Variants in ANXA13 observed in about 807,000 individuals in gnomAD.
The protein encoded by ANXA13 is annexin XIII.
Under a neutral mutation model 46.6 loss-of-function variants are expected in ANXA13, and 36 were observed. The observed-to-expected ratio is 0.77, with a 90% confidence interval of 0.59 to 1.02. ANXA13 has a LOEUF of 1.02. ANXA13 is among the 50% of genes least tolerant of loss of function. ANXA13 has a pLI of 0.00. For missense variants in ANXA13, 417 were observed against 396.5 expected (o/e 1.05, Z -0.44); for synonymous variants, 163 against 152.9 (o/e 1.07, Z -0.49).
chr8:123,681,017 C>T lies in ANXA13; in HGVS notation c.*223G>A, dbSNP rs1305457195. 2 of 518,174 alleles carry T rather than the reference C, an allele frequency of 3.9e-6. No homozygotes were observed. Among genetic ancestry groups the T allele is most frequent in the Admixed American group, 5.9e-5 (2 of 34,168 alleles). 32.1% of individuals were successfully genotyped at this position (518,174 alleles called of 1,614,324 possible). On this transcript the variant is annotated 3_prime_UTR_variant, in exon 11 of 11. Coordinates refer to ENST00000419625, the MANE Select transcript of ANXA13 (RefSeq NM_004306.4). ...ATGCTAAAAGAAAGTGAAGAGGCAG[C>T]CTAGATGCTTGCTAAGCCAGAGTTC... is the stretch of plus-strand genomic sequence containing the variant.
In ANXA13 at chr8:123,692,246, A is replaced by G. The variant is rs1215049729; in HGVS notation, c.642+951T>C. 2.6e-5 allele frequency among the ~76,000 whole-genome samples: 4 copies of G among 152,128 alleles called. No individual in the cohort carries two copies. The East Asian group carries it at 5.8e-4, about 22-fold the overall frequency. ...GCTACCAACTTGCTGTGTGGTCCTGATAAGTTACAGATGGTTCCTCACTCA... is the reference window on the plus strand; with the variant it reads ...GCTACCAACTTGCTGTGTGGTCCTGGTAAGTTACAGATGGTTCCTCACTCA... On this transcript the variant is annotated intron_variant, in intron 8 of 10. Coordinates refer to ENST00000419625, the MANE Select transcript of ANXA13 (RefSeq NM_004306.4).
intron 1 of ANXA13, among the ~76,000 whole-genome samples, chr8:123,713,928 A>C (rs1252507910): frequency 6.6e-6 from 1 of 152,150 alleles, no homozygotes. Flanking sequence ...TCCTGAGCTC[A>C]GGCAATCTGC....
chr8:123,724,918 C>T lies in ANXA13; in HGVS notation c.16-12165G>A, dbSNP rs535003693. ...TACATTTGGCCTATGGCTTCTTTCA[C>T]GCTACAATGGCAGAGTAGTTACCTA... is the stretch of plus-strand genomic sequence containing the variant. On this transcript the variant is annotated intron_variant, in intron 1 of 10. Transcript: ENST00000419625. 1.6e-3 allele frequency among the ~76,000 whole-genome samples: 248 copies of T among 152,288 alleles called. 2 individuals are homozygous for T. Among genetic ancestry groups the T allele is most frequent in the South Asian group, 5.0e-3 (24 of 4,828 alleles).
chr8:123,707,930 G>A (rs1290911993), intron 2 of ANXA13, among the ~76,000 whole-genome samples: 1 of 152,132 alleles, frequency 6.6e-6, no homozygotes, highest in Non-Finnish European at 1.5e-5. Context: ...TTGCAAAACA[G>A]TCCTGAGACG....
At position 123,698,437 on chromosome 8, in the gene ANXA13, G is replaced by A. The variant is rs1191767825; in HGVS notation, c.309C>T (p.Gly103=). The part of the protein sequence containing the change: ...RQLQKAMKGL[G]TDESVLIEVL... Reference sequence around the variant, plus strand: ...CCTCAATGAGGACGGACTCATCTGTGCCCAGACCCTTCATAGCCTTCTGCA... The same window carrying A: ...CCTCAATGAGGACGGACTCATCTGTACCCAGACCCTTCATAGCCTTCTGCA... Residue 103 remains glycine, a synonymous_variant, in exon 4 of 11, where the codon GGC becomes GGT. Transcript: ENST00000419625. 2 of 1,614,188 alleles carry A rather than the reference G, an allele frequency of 1.2e-6. No homozygotes were observed. Among genetic ancestry groups the A allele is most frequent in the Non-Finnish European group, 1.7e-6 (2 of 1,180,032 alleles).
At chr8:123,733,797 C>A (rs887811682) in intron 1 of ANXA13, among the ~76,000 whole-genome samples, 5 of 152,200 alleles carry the variant, frequency 3.3e-5, no homozygotes, top group Non-Finnish European at 1.5e-5. Context: ...ATGCGCAGGA[C>A]AACCACCAGA....
At chr8:123,735,158 C>A (rs1814230800) in intron 1 of ANXA13, among the ~76,000 whole-genome samples, 1 of 150,576 alleles carries the variant, frequency 6.6e-6, no homozygotes, top group African/African-American at 2.4e-5. Context: ...CCATTGGGAC[C>A]ATTTCATGTT....
chr8:123,699,087 G>A (rs962225869), intron 3 of ANXA13, among the ~76,000 whole-genome samples: 1 of 152,236 alleles, frequency 6.6e-6, no homozygotes, highest in Non-Finnish European at 1.5e-5. Flanking sequence ...GGCCTGTACC[G>A]TCACTTCCGT....
intron 8 of ANXA13, 75 bp downstream of exon 8, chr8:123,693,122 G>C: frequency 7.5e-7 from 1 of 1,332,652 alleles, no homozygotes; most frequent in Non-Finnish European, 1.1e-6. Context: ...CCTTATTGCA[G>C]ATCTTGGCTT....
chr8:123,706,517 G>C (rs1411850358), intron 2 of ANXA13, among the ~76,000 whole-genome samples: 1 of 152,100 alleles, frequency 6.6e-6, no homozygotes, highest in Non-Finnish European at 1.5e-5. Context: ...TCAGACTAAG[G>C]CCTCTCCATT....
chr8:123,731,746 C>T (rs2385505), intron 1 of ANXA13, among the ~76,000 whole-genome samples: 16,852 of 152,032 alleles, frequency 0.11, 985 homozygotes, highest in African/African-American at 0.12. Flanking sequence ...TTGTCATGCT[C>T]GCCTGTGGTC....
chr8:123,727,877 G>A (rs1341607710), intron 1 of ANXA13: 1 of 152,142 alleles, frequency 6.6e-6, no homozygotes, highest in Non-Finnish European at 1.5e-5. Flanking sequence ...GGGAAGAATA[G>A]AAATGGACCA....
At chr8:123,707,798 G>C (rs1813567863) in intron 2 of ANXA13, among the ~76,000 whole-genome samples, 1 of 151,762 alleles carries the variant, frequency 6.6e-6, no homozygotes, top group Non-Finnish European at 1.5e-5. Flanking sequence ...TACCTATGTA[G>C]CAAACCTGAA....
chr8:123,689,532 C>T (rs976716833), intron 8 of ANXA13, among the ~76,000 whole-genome samples: 10 of 152,124 alleles, frequency 6.6e-5, no homozygotes, highest in Admixed American at 1.3e-4. Flanking sequence ...GGCTGGGAGC[C>T]GGGGGTGCTG....
intron 3 of ANXA13, among the ~76,000 whole-genome samples, chr8:123,700,404 C>T (rs148278569): frequency 2.0e-5 from 3 of 152,314 alleles, no homozygotes; most frequent in South Asian, 2.1e-4. Flanking sequence ...TCTGTTACCA[C>T]GGGGTGGTTA....
intron 9 of ANXA13, among the ~76,000 whole-genome samples, chr8:123,685,354 T>G (rs1813121309): frequency 6.6e-6 from 1 of 152,200 alleles, no homozygotes; most frequent in South Asian, 2.1e-4. Context: ...GCCTTCCAGC[T>G]TTGATCTATC....
At chr8:123,730,245 G>C (rs1039540688) in intron 1 of ANXA13, among the ~76,000 whole-genome samples, 2 of 152,174 alleles carry the variant, frequency 1.3e-5, no homozygotes, top group African/African-American at 2.4e-5. Context: ...CAGCACTCAA[G>C]TTGTTACTCC....
intron 9 of ANXA13, among the ~76,000 whole-genome samples, chr8:123,686,081 G>A (rs1385335190): frequency 1.3e-5 from 2 of 152,132 alleles, no homozygotes; most frequent in East Asian, 1.9e-4. Context: ...CATTTCTCCT[G>A]TCTATAATCT....
intron 1 of ANXA13, among the ~76,000 whole-genome samples, chr8:123,715,800 A>C (rs537123262): frequency 2.0e-4 from 31 of 152,328 alleles, no homozygotes; most frequent in Admixed American, 1.9e-3. Context: ...AGTGGGAGCC[A>C]AGGCTAGAAC....
Sources: gnomAD v4.1 joint callset for allele counts (sites outside exome capture counted in the v4.1 genomes callset) on GRCh38, gnomAD v4.1.1 for gene constraint, MANE v1.5 for transcripts, NCBI Gene and HGNC (gene_info 2026-07-23, HGNC 2026-07-21) for gene names.